UNC5C: variants seen among roughly 807,000 people sequenced by gnomAD.
The protein encoded by UNC5C is unc-5 netrin receptor C, also known as netrin receptor UNC5C.
In UNC5C, 47 loss-of-function variants were observed where a neutral mutation model predicts 99.8. The ratio of observed to expected loss-of-function variants is 0.47; its 90% CI spans 0.37 to 0.60. UNC5C has a LOEUF of 0.60. UNC5C is among the 20% of genes least tolerant of loss of function. UNC5C has a pLI of 0.00. For missense variants in UNC5C, 1,062 were observed against 1,165.9 expected, an observed-to-expected ratio of 0.91 and a Z score of 1.30; for synonymous variants, 487 against 452.2, an observed-to-expected ratio of 1.08 and a Z score of -0.98.
intron 1 of UNC5C, among the ~76,000 whole-genome samples, chr4:95,547,049 G>A (rs1451515552): frequency 6.6e-6 from 1 of 151,622 alleles, no homozygotes; most frequent in Non-Finnish European, 1.5e-5. Context: ...GTTCACTTAA[G>A]CTTCCAAACA....
At chr4:95,340,317 C>A (rs1304127899) in intron 1 of UNC5C, among the ~76,000 whole-genome samples, 2 of 152,070 alleles carry the variant, frequency 1.3e-5, no homozygotes, top group Non-Finnish European at 2.9e-5. Flanking sequence ...TTGTCTGAGA[C>A]TTGAAGCATA....
chr4:95,546,162 C>T (rs1723057842), intron 1 of UNC5C, among the ~76,000 whole-genome samples: 5 of 152,204 alleles, frequency 3.3e-5, no homozygotes, highest in Admixed American at 3.3e-4. Context: ...ATGTTAATTG[C>T]TCTTGGACTT....
chr4:95,226,323 A>G (rs1308162798), intron 7 of UNC5C, among the ~76,000 whole-genome samples: 2 of 152,204 alleles, frequency 1.3e-5, no homozygotes, highest in African/African-American at 4.8e-5. Flanking sequence ...TTTTCTAAGT[A>G]TCAGTTTTCT....
At chr4:95,544,384 G>A (rs1723004805) in intron 1 of UNC5C, among the ~76,000 whole-genome samples, 1 of 152,126 alleles carries the variant, frequency 6.6e-6, no homozygotes, top group African/African-American at 2.4e-5. Flanking sequence ...ACAACTTCCA[G>A]CCAAATCACT....
chr4:95,271,462 C>T (rs1189996698), intron 4 of UNC5C, among the ~76,000 whole-genome samples: 1 of 152,052 alleles, frequency 6.6e-6, no homozygotes, highest in Non-Finnish European at 1.5e-5. Flanking sequence ...ATCTCCTGAC[C>T]TCGTGATCCG....
chr4:95,489,650 A>T (rs2149480857), intron 1 of UNC5C, among the ~76,000 whole-genome samples: 1 of 151,840 alleles, frequency 6.6e-6, no homozygotes, highest in Non-Finnish European at 1.5e-5. Context: ...GGAGAGATGT[A>T]TGTGTGGGAG....
At chr4:95,232,844 G>A (rs971656524) in intron 7 of UNC5C, among the ~76,000 whole-genome samples, 9 of 133,700 alleles carry the variant, frequency 6.7e-5, no homozygotes, top group East Asian at 3.4e-4. Context: ...CAGCTGGGAC[G>A]CTACACATAT....
intron 11 of UNC5C, 118 bp from the exon 12 acceptor site, chr4:95,203,082 C>G: frequency 1.2e-6 from 1 of 826,226 alleles, no homozygotes; most frequent in African/African-American, 1.7e-5. Context: ...TTTTTTCTCT[C>G]TCAGAGTTTA....
intron 3 of UNC5C, among the ~76,000 whole-genome samples, chr4:95,290,039 C>G (rs936733948): frequency 6.6e-6 from 1 of 152,104 alleles, no homozygotes; most frequent in Non-Finnish European, 1.5e-5. Context: ...TGCAGTGGCT[C>G]ATACCTATAA....
chr4:95,522,004 G>GA (rs1425837458), intron 1 of UNC5C, among the ~76,000 whole-genome samples: 6 of 151,468 alleles, frequency 4.0e-5, no homozygotes, highest in African/African-American at 1.5e-4. Flanking sequence ...TCTTTTTTCT[G>GA]AAAAAAATAT....
At chr4:95,529,480 A>G (rs1722585100) in intron 1 of UNC5C, among the ~76,000 whole-genome samples, 3 of 151,906 alleles carry the variant, frequency 2.0e-5, no homozygotes, top group South Asian at 4.2e-4. Flanking sequence ...TAATCTCAGC[A>G]CTTTGGGAGC....
At chr4:95,233,839 G>A (rs947628697) in intron 7 of UNC5C, among the ~76,000 whole-genome samples, 3 of 152,084 alleles carry the variant, frequency 2.0e-5, no homozygotes, top group Admixed American at 2.0e-4. Context: ...GGAGGCTGAG[G>A]CAGGAGAATT....
chr4:95,210,161 C>T (rs1738028453), intron 10 of UNC5C, among the ~76,000 whole-genome samples: 1 of 151,820 alleles, frequency 6.6e-6, no homozygotes, highest in African/African-American at 2.4e-5. Flanking sequence ...TTGATGGGCA[C>T]CATTCTTGGA....
At chr4:95,282,650 C>T (rs939275819) in intron 3 of UNC5C, among the ~76,000 whole-genome samples, 1 of 152,110 alleles carries the variant, frequency 6.6e-6, no homozygotes, top group Non-Finnish European at 1.5e-5. Context: ...AAGAATCTGA[C>T]CTAATGTTAA....
chr4:95,227,872 C>A (rs1274092700), intron 7 of UNC5C, among the ~76,000 whole-genome samples: 1 of 152,140 alleles, frequency 6.6e-6, no homozygotes, highest in Non-Finnish European at 1.5e-5. Context: ...ATCATAGAAC[C>A]ATTTCCTGGC....
chr4:95,238,535 T>C (rs955041129), intron 7 of UNC5C, among the ~76,000 whole-genome samples: 2 of 152,188 alleles, frequency 1.3e-5, no homozygotes, highest in East Asian at 3.9e-4. Context: ...TTCTCCTCAA[T>C]TGGTCTCATC....
intron 1 of UNC5C, among the ~76,000 whole-genome samples, chr4:95,545,346 A>G (rs758024718): frequency 3.3e-5 from 5 of 152,218 alleles, no homozygotes; most frequent in Non-Finnish European, 7.3e-5. Flanking sequence ...TTATTTTTCT[A>G]AACAGAAGTA....
intron 4 of UNC5C, among the ~76,000 whole-genome samples, chr4:95,276,819 A>G (rs1740878505): frequency 6.6e-6 from 1 of 152,150 alleles, no homozygotes. Flanking sequence ...TTGGCATGAG[A>G]TGCCAAATTA....
chr4:95,460,439 A>G (rs1425970069), intron 1 of UNC5C, among the ~76,000 whole-genome samples: 1 of 152,134 alleles, frequency 6.6e-6, no homozygotes, highest in Non-Finnish European at 1.5e-5. Context: ...CATAATTCTT[A>G]CATGCTGTGG....
Sources: gnomAD v4.1 joint callset for allele counts (sites outside exome capture counted in the v4.1 genomes callset) on GRCh38, gnomAD v4.1.1 for gene constraint, MANE v1.5 for transcripts, NCBI Gene and HGNC (gene_info 2026-07-23, HGNC 2026-07-21) for gene names.